PLPP3: variants seen among roughly 807,000 people sequenced by gnomAD.
PLPP3 encodes phospholipid phosphatase 3.
In PLPP3, 6 loss-of-function variants were observed where a neutral mutation model predicts 29.6. The observed-to-expected ratio is 0.20, with a 90% CI of 0.11 to 0.40. PLPP3 has a LOEUF of 0.40. Ranked by LOEUF, PLPP3 falls within the 10% of genes least tolerant of loss-of-function variation. The pLI, the probability that PLPP3 is intolerant of heterozygous loss-of-function variation, is 1.00. For synonymous variants in PLPP3, 152 were observed against 159.7 expected, an observed-to-expected ratio of 0.95 and a Z score of 0.36; for missense variants, 308 against 407.7, an observed-to-expected ratio of 0.76 and a Z score of 2.11.
Position 56,578,975 on chromosome 1 carries a change from G to C in PLPP3, c.42C>G (p.Ser14Arg). The C allele has an allele frequency of 6.2e-7, 1 of 1,602,158 alleles. No individual in the cohort carries two copies. Among genetic ancestry groups the C allele is most frequent in the Non-Finnish European group, 8.5e-7 (1 of 1,175,334 alleles). The change falls in exon 1 of 6, where the codon AGC becomes AGG. Residue 14 changes from serine (S) to arginine (R), a missense_variant. By Grantham distance (110) the Ser-to-Arg change is moderately radical. Transcript: ENST00000371250. Reference sequence around the variant, plus strand: ...TGAGCGCCGGGCTGCCGCCGTTCTTGCTCTCCGGGACGATCGCTTTGTCGT... The same window carrying C: ...TGAGCGCCGGGCTGCCGCCGTTCTTCCTCTCCGGGACGATCGCTTTGTCGT... ...YKYDKAIVPE[S>R]KNGGSPALNN... is the part of the protein sequence containing the mutation.
At position 56,524,315 on chromosome 1, in the gene PLPP3, G is replaced by A; in HGVS notation, c.537C>T (p.Tyr179=). The change falls in exon 3 of 6, where the codon TAC becomes TAT. Residue 179 remains tyrosine (Y), a synonymous_variant. Transcript: ENST00000371250. This position sits in a 1 kb window ranked among gnomAD's most constrained non-coding sequence, Gnocchi z 4.3. The part of the protein sequence containing the change: ...INCSEGYIQN[Y]RCRGDDSKVQ... ...CTTTGCTGTCATCACCTCTGCATCT[G>A]TAGTTCTGAATGTAGCCTTCAGAGC... The A allele has an allele frequency of 6.2e-7, 1 of 1,614,002 alleles. No individual in the cohort carries two copies. The highest frequency in any genetic ancestry group is 8.5e-7 in the Non-Finnish European group (1 of 1,179,950).
intron 1 of PLPP3, among the ~76,000 whole-genome samples, chr1:56,572,080 C>T (rs1195416374): frequency 8.3e-6 from 1 of 119,814 alleles, no homozygotes; most frequent in Non-Finnish European, 1.6e-5. Context: ...GACAGAGTCT[C>T]GCTCTATCAC....
chr1:56,576,566 A>C (rs1007151475), intron 1 of PLPP3, among the ~76,000 whole-genome samples: 7 of 152,252 alleles, frequency 4.6e-5, no homozygotes, highest in African/African-American at 1.4e-4. Flanking sequence ...AACATTGATC[A>C]ATAAGTCACT....
At chr1:56,562,146 T>C (rs1307094596) in intron 1 of PLPP3, among the ~76,000 whole-genome samples, 2 of 148,888 alleles carry the variant, frequency 1.3e-5, no homozygotes, top group Admixed American at 6.7e-5. Context: ...AGAGTGGAGA[T>C]GTCTGGGAGA....
rs79496201 is a variant in PLPP3, at chr1:56,512,202, C to T, written c.634-50G>A. On this transcript the variant is annotated intron_variant, in intron 4 of 5. Transcript: ENST00000371250. ...CAGACATTAAGTGACTCCCCACTCA[C>T]ATGCACTATAACCCCAGGTGACACA... is the stretch of plus-strand genomic sequence containing the variant. 110 of 1,468,248 alleles carry T rather than the reference C, an allele frequency of 7.5e-5. No homozygotes were observed. The African/African-American group carries it at 1.1e-3, about 14-fold the overall frequency. The allele number at this position is 1,468,248 out of a possible 1,614,324, so 91.0% of individuals were successfully genotyped here. A position where few individuals can be genotyped will look rare whatever the true frequency, so the allele number is the denominator to read the frequency against.
intron 5 of PLPP3, among the ~76,000 whole-genome samples, chr1:56,508,443 T>A (rs916543721): frequency 3.9e-5 from 6 of 152,170 alleles, no homozygotes; most frequent in African/African-American, 1.4e-4. Context: ...CAGGAGGTTA[T>A]CTGGCAGACT....
chr1:56,507,027 A>C (rs956078847), intron 5 of PLPP3, among the ~76,000 whole-genome samples: 8 of 152,180 alleles, frequency 5.3e-5, no homozygotes, highest in Non-Finnish European at 1.0e-4. Context: ...GCTGGCTTCC[A>C]TTGTCTTCCT....
At chr1:56,562,740 CAA>C (rs1341433361) in intron 1 of PLPP3, among the ~76,000 whole-genome samples, 2 of 152,132 alleles carry the variant, frequency 1.3e-5, no homozygotes, top group East Asian at 3.9e-4. Context: ...CTCTTAGACT[CAA>C]TATTTTTAAA....
intron 2 of PLPP3, among the ~76,000 whole-genome samples, chr1:56,533,427 A>G (rs1346967991): frequency 6.6e-6 from 1 of 152,110 alleles, no homozygotes; most frequent in Admixed American, 6.5e-5. Flanking sequence ...TGTGGTGAAC[A>G]CCTGACACAT....
chr1:56,513,186 A>C (rs756077486), intron 4 of PLPP3: 18 of 152,418 alleles, frequency 1.2e-4, no homozygotes, highest in Admixed American at 3.3e-4. Flanking sequence ...CCTGAAGAAA[A>C]ATGGAAGATT....
At chr1:56,548,216 A>G (rs1646017899) in intron 1 of PLPP3, among the ~76,000 whole-genome samples, 1 of 152,214 alleles carries the variant, frequency 6.6e-6, no homozygotes, top group African/African-American at 2.4e-5. Flanking sequence ...AGTCCTGTCA[A>G]TGTTCCTTTT....
chr1:56,558,164 G>GTC (rs1228623438), intron 1 of PLPP3, among the ~76,000 whole-genome samples: 1 of 152,180 alleles, frequency 6.6e-6, no homozygotes, highest in Non-Finnish European at 1.5e-5. Flanking sequence ...TGACTCTTTG[G>GTC]TCTTTCATTG....
At chr1:56,552,623 C>T (rs149702833) in intron 1 of PLPP3, among the ~76,000 whole-genome samples, 2 of 152,228 alleles carry the variant, frequency 1.3e-5, no homozygotes, top group Middle Eastern at 3.4e-3. Context: ...TGATCTTTCC[C>T]CTACAGGGAC....
At chr1:56,509,864 G>C (rs919490436) in intron 5 of PLPP3, among the ~76,000 whole-genome samples, 8 of 148,534 alleles carry the variant, frequency 5.4e-5, no homozygotes, top group Admixed American at 2.0e-4. Context: ...GGAAGACAAT[G>C]GGTAAAGTAT....
chr1:56,563,602 C>A (rs1012654836), intron 1 of PLPP3, among the ~76,000 whole-genome samples: 6 of 152,140 alleles, frequency 3.9e-5, no homozygotes, highest in African/African-American at 1.4e-4. Context: ...ATAGATGGCC[C>A]AAGTGACCAG....
chr1:56,529,888 G>A (rs1645876282), intron 2 of PLPP3, among the ~76,000 whole-genome samples: 1 of 152,140 alleles, frequency 6.6e-6, no homozygotes. Flanking sequence ...ACAGCAAAGA[G>A]GCCAGAGAGG....
At chr1:56,563,658 A>G (rs545928636) in intron 1 of PLPP3, among the ~76,000 whole-genome samples, 50 of 152,336 alleles carry the variant, frequency 3.3e-4, no homozygotes, top group Non-Finnish European at 6.0e-4. Context: ...ATGTTAGTAA[A>G]TGACCTCTGC....
At chr1:56,567,420 T>TG in intron 1 of PLPP3, among the ~76,000 whole-genome samples, 1 of 70,592 alleles carries the variant, frequency 1.4e-5, no homozygotes, top group Admixed American at 1.3e-4. Context: ...TTTTTTGAGA[T>TG]GGAGTCTCGC....
chr1:56,520,097 T>C (rs915944771), intron 4 of PLPP3, among the ~76,000 whole-genome samples: 3 of 152,062 alleles, frequency 2.0e-5, no homozygotes, highest in Admixed American at 1.3e-4. Flanking sequence ...GAGAGATAAA[T>C]AGACAGGCCA....
Sources: allele counts gnomAD v4.1 joint callset (sites outside exome capture counted in the v4.1 genomes callset), GRCh38; gene constraint gnomAD v4.1.1; non-coding constraint Gnocchi (gnomAD v3.1); transcripts MANE v1.5; gene names NCBI Gene and HGNC (gene_info 2026-07-23, HGNC 2026-07-21).